The following CDH1 variants were observed in gnomAD, a reference collection of about 807,000 sequenced individuals.
CDH1 encodes the protein cadherin 1, also known as cadherin-1.
A neutral mutation model predicts 84.5 loss-of-function variants in CDH1; 35 were observed. The observed-to-expected ratio is 0.41, with a 90% CI of 0.32 to 0.55. The LOEUF is 0.55. CDH1 is among the 20% of genes least tolerant of loss of function. CDH1 has a pLI of 0.19. For missense variants in CDH1, 994 were observed against 1,126.6 expected (o/e 0.88, Z 1.68); for synonymous variants, 417 against 439.0 (o/e 0.95, Z 0.63).
At chr16:68,780,728 G>A (rs1214825066) in intron 2 of CDH1, among the ~76,000 whole-genome samples, 1 of 152,192 alleles carries the variant, frequency 6.6e-6, no homozygotes, top group Non-Finnish European at 1.5e-5. Context: ...CTTCAAAGCT[G>A]GCTAGTACTG....
intron 2 of CDH1, among the ~76,000 whole-genome samples, chr16:68,785,908 C>G (rs74608019): frequency 6.6e-6 from 1 of 152,160 alleles, no homozygotes; most frequent in Non-Finnish European, 1.5e-5. Context: ...GCAAGCTTTC[C>G]AGTTTCACAT....
rs2152139543 is a variant in CDH1, at chr16:68,823,558, A to G, written c.2096A>G (p.Gln699Arg). 1 of 1,614,028 alleles carries G rather than the reference A, an allele frequency of 6.2e-7. No individual in the cohort carries two copies. The highest frequency in any genetic ancestry group is 1.1e-5 in the South Asian group (1 of 91,072). Residue 699 changes from glutamine (Q) to arginine (R), a missense_variant, in exon 13 of 16, where the codon CAG becomes CGG. This residue lies in a region of CDH1 where 769 missense variants were observed against 881.8 expected (regional missense o/e 0.87). Coordinates refer to ENST00000261769, the MANE Select transcript of CDH1 (RefSeq NM_004360.5). ...GCCGCTGGCGTCTGTAGGAAGGCAC[A>G]GCCTGTCGAAGCAGGATTGCAAATT... Reference protein sequence around the residue: ...EGAAGVCRKAQPVEAGLQIPA... With the variant: ...EGAAGVCRKARPVEAGLQIPA...
rs753770270 is a variant in CDH1 at position 68,813,392 on chromosome 16, C to G, written c.1217C>G (p.Thr406Ser). Residue 406 changes from threonine to serine, a missense_variant, in exon 9 of 16, where the codon ACC (threonine) becomes AGC (serine). Physicochemically the swap from Thr to Ser is moderately conservative, Grantham distance 58. Around this residue, in one of 3 missense-constraint regions of CDH1, gnomAD observed 769 missense variants for 881.8 expected, o/e 0.87. Coordinates refer to ENST00000261769, the MANE Select transcript of CDH1 (RefSeq NM_004360.5). ...LKVTDADAPN[T>S]PAWEAVYTIL... ...GTGACTGATGCTGATGCCCCCAATA[C>G]CCCAGCGTGGGAGGCTGTATACACC... The G allele has an allele frequency of 6.2e-7, 1 of 1,613,990 alleles. No homozygotes were observed. The highest frequency in any genetic ancestry group is 1.3e-5 in the African/African-American group (1 of 74,914).
chr16:68,784,403 AT>A (rs1414690207), intron 2 of CDH1, among the ~76,000 whole-genome samples: 7 of 148,136 alleles, frequency 4.7e-5, no homozygotes, highest in Admixed American at 2.0e-4. Flanking sequence ...GACATCCAGC[AT>A]TTTTTTTTTG....
chr16:68,774,445 G>A (rs1168005840), intron 2 of CDH1, among the ~76,000 whole-genome samples: 3 of 152,020 alleles, frequency 2.0e-5, no homozygotes, highest in East Asian at 1.9e-4. Flanking sequence ...GCTTGAACCC[G>A]GGAGGCAGAG....
chr16:68,835,388 A>G lies in CDH1; in HGVS notation c.*1889A>G, dbSNP rs1961609715. The G allele has an allele frequency of 9.1e-6, 2 of 220,890 alleles. No homozygotes were observed. Among genetic ancestry groups the G allele is most frequent in the East Asian group, 1.3e-4 (2 of 15,108 alleles). The allele number at this position is 220,890 out of a possible 1,614,324, so 13.7% of individuals were successfully genotyped here. ...AGCTATATCGAATATAGTTCTGTGT[A>G]GAGAATGTCACTGTAGTTTTGAGTG... is the stretch of plus-strand genomic sequence containing the variant. On this transcript the variant is annotated 3_prime_UTR_variant, in exon 16 of 16. Transcript: ENST00000261769.
At chr16:68,831,007 G>C (rs1172041774) in intron 15 of CDH1, among the ~76,000 whole-genome samples, 4 of 150,156 alleles carry the variant, frequency 2.7e-5, no homozygotes, top group South Asian at 2.1e-4. Context: ...TTCTGGGCTT[G>C]TCTGATGGTC....
intron 2 of CDH1, among the ~76,000 whole-genome samples, chr16:68,767,150 G>A (rs1444882263): frequency 6.7e-6 from 1 of 149,674 alleles, no homozygotes; most frequent in Admixed American, 6.7e-5. Context: ...AATAGAACAC[G>A]ATGAACCAGA....
Position 68,813,337 on chromosome 16 carries a change from G to A in CDH1, c.1162G>A (p.Glu388Lys), listed in dbSNP as rs372838203. 22 of 1,614,040 alleles carry A rather than the reference G, an allele frequency of 1.4e-5. No individual in the cohort carries two copies. Among genetic ancestry groups the A allele is most frequent in the Admixed American group, 8.3e-5 (5 of 60,002 alleles). Residue 388 changes from glutamate to lysine, a missense_variant, in exon 9 of 16, where the codon GAG becomes AAG. This residue lies in a region of CDH1 where 769 missense variants were observed against 881.8 expected (regional missense o/e 0.87). Transcript: ENST00000261769. ...TTYKGQVPEN[E>K]ANVVITTLKV... ...GTACAAGGGTCAGGTGCCTGAGAAC[G>A]AGGCTAACGTCGTAATCACCACACT...
chr16:68,786,801 A>G (rs1299692127), intron 2 of CDH1, among the ~76,000 whole-genome samples: 1 of 152,164 alleles, frequency 6.6e-6, no homozygotes, highest in Non-Finnish European at 1.5e-5. Context: ...CTTGTTGTAC[A>G]GTCATCTGCA....
At chr16:68,806,997 A>C (rs1402030904) in intron 3 of CDH1, among the ~76,000 whole-genome samples, 2 of 152,226 alleles carry the variant, frequency 1.3e-5, no homozygotes, top group Admixed American at 6.5e-5. Context: ...CTTGGCAAGC[A>C]GTGATCAGTG....
intron 14 of CDH1, among the ~76,000 whole-genome samples, chr16:68,828,745 G>T (rs575035794): frequency 3.3e-5 from 5 of 152,128 alleles, no homozygotes; most frequent in Non-Finnish European, 7.3e-5. Flanking sequence ...TATACCTTCA[G>T]TCCCTCTGTA....
chr16:68,792,580 G>T (rs1960237591), intron 2 of CDH1, among the ~76,000 whole-genome samples: 1 of 152,140 alleles, frequency 6.6e-6, no homozygotes, highest in East Asian at 1.9e-4. Context: ...CCCCGGGCTG[G>T]TTCTGATCAA....
chr16:68,812,730 G>A (rs1960873826), intron 8 of CDH1, among the ~76,000 whole-genome samples: 1 of 152,158 alleles, frequency 6.6e-6, no homozygotes, highest in African/African-American at 2.4e-5. Context: ...TGAGAACCAA[G>A]TAGGGTAAGT....
chr16:68,744,134 A>G (rs1003194666), intron 2 of CDH1, among the ~76,000 whole-genome samples: 1 of 152,242 alleles, frequency 6.6e-6, no homozygotes, highest in African/African-American at 2.4e-5. Context: ...ATAAATCGCT[A>G]TCTTGGCCAA....
Position 68,819,434 on chromosome 16 carries a change from G to A in CDH1, c.1711+9G>A, listed in dbSNP as rs368770384. 40 of 1,612,798 alleles carry A rather than the reference G, an allele frequency of 2.5e-5. No individual in the cohort carries two copies. The East Asian group carries it at 3.1e-4, about 13-fold the overall frequency. ...CATAGCTACAGACAATGGTAAGGGG[G>A]CCTCATCTGAGCCTTTGCTGCCTCG... On this transcript the variant is annotated intron_variant, in intron 11 of 15. Transcript: ENST00000261769.
intron 4 of CDH1, 49 bp downstream of exon 4, chr16:68,808,616 T>C (rs2152129922): frequency 6.2e-7 from 1 of 1,613,386 alleles, no homozygotes; most frequent in South Asian, 1.1e-5. Context: ...GGCAGAGAAG[T>C]ACCAAGGAGA....
chr16:68,796,755 T>A (rs1164278501), intron 2 of CDH1, among the ~76,000 whole-genome samples: 1 of 141,886 alleles, frequency 7.0e-6, no homozygotes, highest in Non-Finnish European at 1.6e-5. Flanking sequence ...TCTTACTAGT[T>A]TTTGTCATGA....
chr16:68,778,882 G>C (rs202021371), intron 2 of CDH1, among the ~76,000 whole-genome samples: 1 of 152,132 alleles, frequency 6.6e-6, no homozygotes, highest in East Asian at 1.9e-4. Flanking sequence ...GAGGGGGAGA[G>C]AGGTTTTTCT....
Sources: allele counts gnomAD v4.1 joint callset (sites outside exome capture counted in the v4.1 genomes callset), GRCh38; gene constraint gnomAD v4.1.1; regional missense constraint gnomAD v4.1.1; transcripts MANE v1.5; gene names NCBI Gene and HGNC (gene_info 2026-07-23, HGNC 2026-07-21).